The following PDLIM2 variants were observed in gnomAD, a reference collection of about 807,000 sequenced individuals.
PDLIM2 encodes PDZ and LIM domain protein 2.
In PDLIM2, 51 loss-of-function variants were observed where a neutral mutation model predicts 54.1. The ratio of observed to expected loss-of-function variants is 0.94; its 90% CI spans 0.75 to 1.19. The LOEUF is 1.19. PDLIM2 is among the 50% of genes most tolerant of loss of function. The pLI, the probability that PDLIM2 is intolerant of heterozygous loss-of-function variation, is 0.00. For missense variants in PDLIM2, 912 were observed against 874.0 expected (o/e 1.04, Z -0.55); for synonymous variants, 398 against 385.6 (o/e 1.03, Z -0.38).
chr8:22,593,644 G>A, intron 9 of PDLIM2, 89 bp from the exon 9 acceptor site: 1 of 1,124,312 alleles, frequency 8.9e-7, no homozygotes, highest in South Asian at 1.5e-5. Context: ...CCCAGGTCCT[G>A]ATGCTACAGT....
chr8:22,580,146 A>G (rs1800146527), intron 1 of PDLIM2: 1 of 270,324 alleles, frequency 3.7e-6, no homozygotes, highest in Non-Finnish European at 7.3e-6. Context: ...TGCTCTCCCT[A>G]GGCCACTCAC....
At chr8:22,594,926 GAAA>G (rs983111975), downstream of PDLIM2, 2 of 335,240 alleles carry the variant, frequency 6.0e-6, no homozygotes, top group African/African-American at 2.2e-5. Context: ...CCTGTCTGTT[GAAA>G]AAAACACAAA....
downstream of PDLIM2, chr8:22,596,471 G>C (rs2117377569): frequency 6.6e-6 from 1 of 152,356 alleles, no homozygotes; most frequent in South Asian, 2.1e-4. Flanking sequence ...GGTCAGCAGA[G>C]GAGGCTGGGG....
intron 6 of PDLIM2, 30 bp downstream of exon 5, chr8:22,585,429 A>T: frequency 6.3e-7 from 1 of 1,577,732 alleles, no homozygotes; most frequent in Non-Finnish European, 8.6e-7. Context: ...GACAGGCTGG[A>T]GGAACAGAAG....
At chr8:22,592,987 T>C (rs1221601676) in intron 9 of PDLIM2, 1 of 152,268 alleles carries the variant, frequency 6.6e-6, no homozygotes, top group Non-Finnish European at 1.5e-5. Flanking sequence ...GATCCTCCCA[T>C]CTCAGCCTCC....
chr8:22,596,855 G>A (rs1452274456), downstream of PDLIM2: 2 of 152,186 alleles, frequency 1.3e-5, no homozygotes, highest in African/African-American at 4.8e-5. Flanking sequence ...CTCTGCAGAC[G>A]AGGAAACCGA....
chr8:22,593,968 G>A, exon 10 of PDLIM2: 1 of 1,512,468 alleles, frequency 6.6e-7, no homozygotes, highest in Non-Finnish European at 8.9e-7. Flanking sequence ...TATATAAGTT[G>A]GCATGGCAGG....
intron 7 of PDLIM2, 104 bp downstream of exon 6, chr8:22,589,478 G>A: frequency 6.5e-7 from 1 of 1,527,196 alleles, no homozygotes; most frequent in Non-Finnish European, 8.9e-7. Flanking sequence ...AAGCCCAGTT[G>A]GCTCCTCCAC....
At chr8:22,593,366 T>C (rs79753447) in intron 9 of PDLIM2, 5,587 of 184,502 alleles carry the variant, frequency 0.03, 302 homozygotes, top group African/African-American at 0.11. Context: ...TACCTGAGGT[T>C]GGGAGGGCAA....
intron 1 of PDLIM2, chr8:22,580,568 G>C: frequency 1.2e-6 from 2 of 1,613,484 alleles, no homozygotes; most frequent in Non-Finnish European, 1.7e-6. Flanking sequence ...CCGGCTAGGG[G>C]CATGGACTTC....
At chr8:22,589,851 C>T in intron 8 of PDLIM2, 110 bp downstream of exon 7, 1 of 1,422,676 alleles carries the variant, frequency 7.0e-7, no homozygotes, top group Non-Finnish European at 9.5e-7. Context: ...GGTGCTCACC[C>T]CAGGACTAGG....
chr8:22,584,823 C>T lies in PDLIM2; in HGVS notation c.998C>T (p.Ser333Phe). 1 of 1,614,104 alleles carries T rather than the reference C, an allele frequency of 6.2e-7. No homozygotes were observed. The change falls in exon 4 of 10, where the codon TCT (serine) becomes TTT (phenylalanine). Residue 333 changes from serine to phenylalanine, a missense_variant and splice_region_variant. Transcript: ENST00000308354. ...CCCTCCCTCTGTTGCCTTCTCAGGT[C>T]TCAGGCTACGTCTCCAGGGCAGACC...
chr8:22,579,235 C>A, exon 1 of PDLIM2: 1 of 1,363,818 alleles, frequency 7.3e-7, no homozygotes, highest in Non-Finnish European at 9.4e-7. Context: ...GTGAGCGCGC[C>A]CACCTGCGCC....
Position 22,581,520 on chromosome 8 carries a change from C to T in PDLIM2, c.985C>T (p.Gln329Ter). 2 of 1,582,640 alleles carry T rather than the reference C, an allele frequency of 1.3e-6. No homozygotes were observed. Among genetic ancestry groups the T allele is most frequent in the Middle Eastern group, 1.8e-4 (1 of 5,708 alleles). ...CCAGAGCCCCTCGCCCCTGCGGCTG[C>T]AGCTGGACCGGTAGGGCCTCCCGCT... Residue 329 changes from glutamine (Q) to a stop codon, truncating the protein, a stop_gained, in exon 3 of 10, where the codon CAG becomes TAG. Transcript: ENST00000308354. LOFTEE classifies it high-confidence loss of function.
chr8:22,584,538 T>A (rs1156941178), intron 3 of PDLIM2, among the ~76,000 whole-genome samples: 5 of 152,218 alleles, frequency 3.3e-5, no homozygotes, highest in Non-Finnish European at 7.3e-5. Flanking sequence ...CTTGAACTCT[T>A]GGGCTCAAGT....
At chr8:22,596,149 G>A (rs1000572976), downstream of PDLIM2, 2 of 152,296 alleles carry the variant, frequency 1.3e-5, no homozygotes, top group Non-Finnish European at 2.9e-5. Context: ...GGAAAAGATG[G>A]TTTGGATTAT....
chr8:22,595,027 G>C (rs546953608), downstream of PDLIM2: 7 of 169,770 alleles, frequency 4.1e-5, no homozygotes, highest in East Asian at 1.3e-3. Context: ...TCCCCTGCCA[G>C]CCTAGGATTT....
At chr8:22,593,594 AAAAAAAAAAG>A in intron 9 of PDLIM2, 129 bp from the exon 9 acceptor site, 1 of 639,824 alleles carries the variant, frequency 1.6e-6, no homozygotes. Context: ...AAAAAAAAAA[AAAAAAAAAAG>A]TCTAGTCTCT....
chr8:22,590,043 G>A (rs1371638486), intron 8 of PDLIM2: 1 of 395,264 alleles, frequency 2.5e-6, no homozygotes, highest in Non-Finnish European at 4.6e-6. Context: ...CTCCAGGGAG[G>A]GCTTCTTGGA....
Sources: gnomAD v4.1 joint callset for allele counts (sites outside exome capture counted in the v4.1 genomes callset) on GRCh38, gnomAD v4.1.1 for gene constraint, MANE v1.5 for transcripts, NCBI Gene and HGNC (gene_info 2026-07-23, HGNC 2026-07-21) for gene names.